FAM200B: variants seen among roughly 807,000 people sequenced by gnomAD.
The protein encoded by FAM200B is zinc finger BED-type containing 11, also known as protein FAM200B.
In FAM200B, 32 loss-of-function variants were observed where a neutral mutation model predicts 33.1. The observed-to-expected ratio is 0.97, with a 90% CI of 0.73 to 1.30. The LOEUF (loss-of-function observed/expected upper bound fraction) is 1.30, where lower values mean the gene tolerates loss of function less well. FAM200B is among the 50% of genes most tolerant of loss of function. FAM200B has a pLI of 0.00. For synonymous variants in FAM200B, 240 were observed against 264.8 expected, an observed-to-expected ratio of 0.91 and a Z score of 0.91; for missense variants, 741 against 754.0, an observed-to-expected ratio of 0.98 and a Z score of 0.20.
the FAM200B span, among the ~76,000 whole-genome samples, chr4:15,675,542 A>G: frequency 1.3e-3 from 189 of 143,946 alleles, 1 homozygote; most frequent in African/African-American, 4.7e-3. Flanking sequence ...AACCTTCACT[A>G]TGTCTTAACT....
chr4:15,670,817 AT>A, the FAM200B span, among the ~76,000 whole-genome samples: 5 of 149,504 alleles, frequency 3.3e-5, no homozygotes, highest in Non-Finnish European at 7.4e-5. Flanking sequence ...TTCCTTTAAC[AT>A]TTCTGGTACA....
the FAM200B span, among the ~76,000 whole-genome samples, chr4:15,660,303 G>C: frequency 1.3e-5 from 2 of 151,922 alleles, no homozygotes; most frequent in East Asian, 3.9e-4. Flanking sequence ...GGCTGATCTT[G>C]AACTCCTAGC....
the FAM200B span, among the ~76,000 whole-genome samples, chr4:15,654,819 G>A: frequency 2.0e-5 from 3 of 152,210 alleles, no homozygotes; most frequent in Admixed American, 2.0e-4. Context: ...TCCACCGCAG[G>A]TGGCCGGCCG....
chr4:15,651,109 T>C, the FAM200B span, among the ~76,000 whole-genome samples: 1 of 152,206 alleles, frequency 6.6e-6, no homozygotes, highest in Admixed American at 6.5e-5. Context: ...TTTTACTTTG[T>C]CTACTCACTC....
upstream of FAM200B, among the ~76,000 whole-genome samples, chr4:15,678,102 T>C (rs751167192): frequency 1.3e-5 from 2 of 152,214 alleles, no homozygotes; most frequent in Non-Finnish European, 2.9e-5. Context: ...ATATATTTAA[T>C]AGGAATAATT....
At position 15,687,161 on chromosome 4, in the gene FAM200B, C is replaced by A. The variant is rs758445034; in HGVS notation, c.184C>A (p.Arg62Ser). The A allele has an allele frequency of 3.9e-6, 6 of 1,544,050 alleles. No individual in the cohort carries two copies. The highest frequency in any genetic ancestry group is 5.2e-6 in the Non-Finnish European group (6 of 1,143,936). Residue 62 changes from arginine (R) to serine (S), a missense_variant, in exon 2 of 2, where the codon CGT becomes AGT. By Grantham distance (110) the Arg-to-Ser change is moderately radical. Coordinates refer to ENST00000422728, the MANE Select transcript of FAM200B (RefSeq NM_001145191.2). ...HFKKKKVSARRYNEDYLKYGF... is the reference protein window; with the variant it reads ...HFKKKKVSARSYNEDYLKYGF... ...CAAAAAGAAAAAAGTAAGTGCAAGA[C>A]GTTATAATGAAGATTACTTAAAATA...
At chr4:15,644,819 A>G in the FAM200B span, 1 of 695,038 alleles carries the variant, frequency 1.4e-6, no homozygotes, top group East Asian at 2.7e-5. Context: ...CTTCCCTTAC[A>G]CTTGGTTAAA....
chr4:15,661,380 G>A, the FAM200B span, among the ~76,000 whole-genome samples: 1 of 152,180 alleles, frequency 6.6e-6, no homozygotes, highest in Non-Finnish European at 1.5e-5. Context: ...TGAGAACTAA[G>A]TGTTTTATGG....
the FAM200B span, among the ~76,000 whole-genome samples, chr4:15,649,131 A>G: frequency 6.6e-6 from 1 of 152,152 alleles, no homozygotes; most frequent in African/African-American, 2.4e-5. Flanking sequence ...AATCCTCAAC[A>G]TGTTTGTTGA....
the FAM200B span, among the ~76,000 whole-genome samples, chr4:15,649,051 TA>T: frequency 6.6e-6 from 1 of 152,116 alleles, no homozygotes; most frequent in African/African-American, 2.4e-5. Context: ...CAGATCAAGT[TA>T]AATTCTTGGT....
chr4:15,681,723 G>A (rs114115072), upstream of FAM200B: 1,937 of 152,976 alleles, frequency 0.013, 18 homozygotes, highest in Non-Finnish European at 0.02. Flanking sequence ...ACACCGCCCC[G>A]GTCTCACGCA....
chr4:15,655,373 C>G, the FAM200B span: 3 of 1,107,894 alleles, frequency 2.7e-6, no homozygotes, highest in Non-Finnish European at 3.3e-6. Flanking sequence ...CGGCGCGCCC[C>G]CTTGCGCATG....
At chr4:15,639,311 T>A in the FAM200B span, among the ~76,000 whole-genome samples, 1 of 152,240 alleles carries the variant, frequency 6.6e-6, no homozygotes, top group African/African-American at 2.4e-5. Context: ...GATGTTTAGG[T>A]CAGTTAACTG....
At chr4:15,637,006 A>T in the FAM200B span, among the ~76,000 whole-genome samples, 11 of 152,214 alleles carry the variant, frequency 7.2e-5, no homozygotes, top group Non-Finnish European at 1.6e-4. Flanking sequence ...AAAAGGAACA[A>T]AACAGGTTAT....
At chr4:15,685,095 G>T (rs1434644377) in intron 1 of FAM200B, 1 of 126,148 alleles carries the variant, frequency 7.9e-6, no homozygotes, top group Non-Finnish European at 1.9e-5. Flanking sequence ...GGAAAAAGAG[G>T]TTTAGGGCCA....
upstream of FAM200B, among the ~76,000 whole-genome samples, chr4:15,678,886 A>C (rs1718092116): frequency 6.6e-6 from 1 of 152,132 alleles, no homozygotes; most frequent in Non-Finnish European, 1.5e-5. Flanking sequence ...GTTGGTTCAT[A>C]TTTGCAGATC....
At chr4:15,661,294 A>G in the FAM200B span, among the ~76,000 whole-genome samples, 1 of 152,310 alleles carries the variant, frequency 6.6e-6, no homozygotes, top group East Asian at 1.9e-4. Context: ...CAGTGAAGAG[A>G]CAGTAAAGCA....
chr4:15,672,579 A>T, the FAM200B span, among the ~76,000 whole-genome samples: 91 of 152,342 alleles, frequency 6.0e-4, no homozygotes, highest in Middle Eastern at 0.01. Context: ...TATGAAAGAT[A>T]AAATGGTATA....
At position 15,688,098 on chromosome 4, in the gene FAM200B, G is replaced by T; in HGVS notation, c.1121G>T (p.Gly374Val). The T allele has an allele frequency of 6.4e-7, 1 of 1,551,232 alleles. No individual in the cohort carries two copies. The highest frequency in any genetic ancestry group is 8.7e-7 in the Non-Finnish European group (1 of 1,146,784). The change falls in exon 2 of 2, where the codon GGA (glycine) becomes GTA (valine). Residue 374 changes from glycine (G) to valine (V), a missense_variant. Coordinates refer to ENST00000422728, the MANE Select transcript of FAM200B (RefSeq NM_001145191.2). The part of the protein sequence containing the change: ...RLLETFCSEI[G>V]TNHTHLLYHT... ...CTTGAAACATTTTGTTCAGAGATTG[G>T]AACTAATCATACCCACTTACTATAT...
Sources: allele counts gnomAD v4.1 joint callset (sites outside exome capture counted in the v4.1 genomes callset), GRCh38; gene constraint gnomAD v4.1.1; transcripts MANE v1.5; gene names NCBI Gene and HGNC (gene_info 2026-07-23, HGNC 2026-07-21).